Variants in MBD1 observed in about 807,000 individuals in gnomAD.
The protein encoded by MBD1 is methyl-CpG binding domain protein 1.
MBD1 carries 25 observed loss-of-function variants against 82.6 expected under a neutral mutation model. The observed-to-expected ratio is 0.30, with a 90% confidence interval of 0.22 to 0.42. The LOEUF is 0.42. MBD1 is among the 10% of genes least tolerant of loss of function. MBD1 has a pLI of 1.00. For missense variants in MBD1, 627 were observed against 819.6 expected, an observed-to-expected ratio of 0.76 and a Z score of 2.87; for synonymous variants, 301 against 303.7, an observed-to-expected ratio of 0.99 and a Z score of 0.09.
intron 7 of MBD1, 41 bp downstream of exon 7, chr18:50,275,794 G>A: frequency 6.2e-7 from 1 of 1,614,178 alleles, no homozygotes; most frequent in Non-Finnish European, 8.5e-7. Context: ...GGGGCCAGGG[G>A]CCGAGGTGAG....
chr18:50,267,354 A>AT (rs1290555704), downstream of MBD1: 3 of 510,350 alleles, frequency 5.9e-6, no homozygotes, highest in South Asian at 2.8e-5. Flanking sequence ...AATAATAATA[A>AT]TTTTTTAAAA....
Position 50,273,711 on chromosome 18 carries a change from G to C in MBD1, c.1299C>G (p.Asp433Glu). ...PTLATRTAQP[D>E]HTQAPTKQEA... ...CCTGCTTCGTTGGAGCCTGGGTATG[G>C]TCTGGTTGGGCTGTGCGTGTAGCCA... The change falls in exon 12 of 17, where the codon GAC becomes GAG. Residue 433 changes from aspartate (D) to glutamate (E), a missense_variant. Around this residue, in one of 6 missense-constraint regions of MBD1, gnomAD observed 265 missense variants for 278.4 expected, o/e 0.95. Coordinates refer to ENST00000269468, the MANE Select transcript of MBD1 (RefSeq NM_015846.4). The C allele has an allele frequency of 6.2e-7, 1 of 1,614,164 alleles. No homozygotes were observed. The highest frequency in any genetic ancestry group is 8.5e-7 in the Non-Finnish European group (1 of 1,180,040).
intron 2 of MBD1, among the ~76,000 whole-genome samples, chr18:50,278,974 A>G (rs2039165619): frequency 6.6e-6 from 1 of 152,232 alleles, no homozygotes; most frequent in African/African-American, 2.4e-5. Flanking sequence ...TCTCATTGAC[A>G]TTGAAAACCA....
Position 50,281,356 on chromosome 18 carries a change from G to A in MBD1, c.-26+7C>T. 1.1e-6 allele frequency: 1 copy of A among 876,928 alleles called. No homozygotes were observed. The highest frequency in any genetic ancestry group is 1.8e-6 in the Non-Finnish European group (1 of 554,392). 54.3% of individuals were successfully genotyped at this position (876,928 alleles called of 1,614,324 possible). On this transcript the variant is annotated splice_region_variant and intron_variant, in intron 1 of 16. Coordinates refer to ENST00000269468, the MANE Select transcript of MBD1 (RefSeq NM_015846.4). ...GCTCTCCACGTCCAGCCCCAAGGCTGTCTCACCAGTTTGGCACCAGGCCGG... is the reference window on the plus strand; with the variant it reads ...GCTCTCCACGTCCAGCCCCAAGGCTATCTCACCAGTTTGGCACCAGGCCGG...
chr18:50,272,830 T>C lies in MBD1; in HGVS notation c.1710A>G (p.Thr570=). 6.2e-7 allele frequency: 1 copy of C among 1,614,194 alleles called. No individual in the cohort carries two copies. The highest frequency in any genetic ancestry group is 2.2e-5 in the East Asian group (1 of 44,880). ...APEEEAGGAG[T]PVITEIFSLG... is the part of the protein sequence containing the mutation. ...GGGCATCCCCAGCACTGACCACGGGTGTGCCAGCCCCTCCTGCCTCTTCCT... is the reference window on the plus strand; with the variant it reads ...GGGCATCCCCAGCACTGACCACGGGCGTGCCAGCCCCTCCTGCCTCTTCCT... Residue 570 remains threonine (T), a synonymous_variant, in exon 14 of 17, where the codon ACA becomes ACG. Coordinates refer to ENST00000269468, the MANE Select transcript of MBD1 (RefSeq NM_015846.4).
chr18:50,272,831 G>T lies in MBD1; in HGVS notation c.1709C>A (p.Thr570Lys). 6.2e-7 allele frequency: 1 copy of T among 1,614,240 alleles called. No individual in the cohort carries two copies. The change falls in exon 14 of 17, where the codon ACA becomes AAA. Residue 570 changes from threonine to lysine, a missense_variant. Physicochemically the swap from Thr to Lys is moderately conservative, Grantham distance 78. Transcript: ENST00000269468. ...APEEEAGGAG[T>K]PVITEIFSLG... ...GGCATCCCCAGCACTGACCACGGGT[G>T]TGCCAGCCCCTCCTGCCTCTTCCTC...
downstream of MBD1, chr18:50,267,352 TA>T: frequency 2.0e-6 from 1 of 509,336 alleles, no homozygotes; most frequent in Non-Finnish European, 3.5e-6. Flanking sequence ...GTAATAATAA[TA>T]ATTTTTTAAA....
At chr18:50,268,332 G>T (rs1434779154), downstream of MBD1, among the ~76,000 whole-genome samples, 2 of 152,234 alleles carry the variant, frequency 1.3e-5, no homozygotes, top group African/African-American at 4.8e-5. Context: ...GGGGTAAACC[G>T]ACCCTTGGCG....
In MBD1 at chr18:50,281,368, T is replaced by C. The variant is rs1051886002; in HGVS notation, c.-31A>G. 5.1e-6 allele frequency: 4 copies of C among 791,614 alleles called. No homozygotes were observed. The African/African-American group carries it at 6.8e-5, about 13-fold the overall frequency. The allele number at this position is 791,614 out of a possible 1,614,324, so 49.0% of individuals were successfully genotyped here. On this transcript the variant is annotated 5_prime_UTR_variant, in exon 1 of 17. Transcript: ENST00000269468. ...CAGCCCCAAGGCTGTCTCACCAGTT[T>C]GGCACCAGGCCGGTATCTTCCGCCA...
At position 50,273,347 on chromosome 18, in the gene MBD1, C is replaced by A; in HGVS notation, c.1571G>T (p.Gly524Val). 2 of 1,614,166 alleles carry A rather than the reference C, an allele frequency of 1.2e-6. No individual in the cohort carries two copies. Reference protein sequence around the residue: ...AVLTSPVLVPGCPSKAVDPGL... With the variant: ...AVLTSPVLVPVCPSKAVDPGL... Reference sequence around the variant, plus strand: ...CACTGCCCCCACCTTGCTAGGGCAGCCAGGCACCAATACGGGAGAAGTCAG... The same window carrying A: ...CACTGCCCCCACCTTGCTAGGGCAGACAGGCACCAATACGGGAGAAGTCAG... Residue 524 changes from glycine to valine, a missense_variant, in exon 13 of 17, where the codon GGC becomes GTC. Physicochemically the swap from Gly to Val is moderately radical, Grantham distance 109. Coordinates refer to ENST00000269468, the MANE Select transcript of MBD1 (RefSeq NM_015846.4).
In MBD1 at chr18:50,269,693, G is replaced by C; in HGVS notation, c.*158C>G. The C allele has an allele frequency of 1.3e-6, 1 of 779,038 alleles. No homozygotes were observed. Among genetic ancestry groups the C allele is most frequent in the Non-Finnish European group, 2.4e-6 (1 of 417,156 alleles). The allele number at this position is 779,038 out of a possible 1,614,324, so 48.3% of individuals were successfully genotyped here. On this transcript the variant is annotated 3_prime_UTR_variant, in exon 17 of 17. Transcript: ENST00000269468. ...CACCCACATCATCGAAGCTGGAGGT[G>C]GTGAGAGACTGACATGGGTTCCAGG...
intron 16 of MBD1, chr18:50,271,045 C>A (rs2035294868): frequency 2.0e-6 from 2 of 1,015,292 alleles, no homozygotes; most frequent in Non-Finnish European, 2.4e-6. Flanking sequence ...CACCAAATAG[C>A]AGTTCCTTTC....
chr18:50,281,495 T>G lies in MBD1; in HGVS notation c.-158A>C, dbSNP rs1165896934. On this transcript the variant is annotated 5_prime_UTR_variant, in exon 1 of 17. Transcript: ENST00000269468. The stretch of plus-strand genomic sequence containing the variant: ...CGGCCGCCTCCTCTGAAGCGGTAGC[T>G]GTCGCCTCCGCGGCTGTTCGTTGCT... 8.6e-6 allele frequency: 5 copies of G among 582,524 alleles called. No individual in the cohort carries two copies. Among genetic ancestry groups the G allele is most frequent in the African/African-American group, 7.5e-5 (4 of 53,396 alleles). The allele number at this position is 582,524 out of a possible 1,614,324, so 36.1% of individuals were successfully genotyped here. A position where few individuals can be genotyped will look rare whatever the true frequency, so the allele number is the denominator to read the frequency against.
At chr18:50,271,439 T>A in intron 16 of MBD1, 30 bp downstream of exon 16, 1 of 1,614,062 alleles carries the variant, frequency 6.2e-7, no homozygotes. Context: ...ATCAGTGTTG[T>A]CTCTCATAAA....
chr18:50,272,554 T>C (rs1568197154), intron 15 of MBD1, 123 bp downstream of exon 15: 3 of 1,022,352 alleles, frequency 2.9e-6, no homozygotes, highest in South Asian at 2.5e-5. Flanking sequence ...GTGACCAGCA[T>C]AGTGGGTATG....
At chr18:50,267,534 A>T, downstream of MBD1, 1 of 1,176,130 alleles carries the variant, frequency 8.5e-7, no homozygotes, top group Non-Finnish European at 1.2e-6. Flanking sequence ...GTGGATCAGA[A>T]GTCCAGTAAC....
intron 10 of MBD1, 93 bp downstream of exon 10, chr18:50,274,884 T>C (rs2037131626): frequency 7.6e-7 from 1 of 1,316,744 alleles, no homozygotes. Flanking sequence ...TGCCTTGCTG[T>C]TCCCCAATAG....
chr18:50,270,566 C>G (rs2035078777), intron 16 of MBD1: 1 of 338,944 alleles, frequency 3.0e-6, no homozygotes, highest in Admixed American at 3.8e-5. Flanking sequence ...ACTGCTCTGG[C>G]TGAAGAGGGG....
intron 2 of MBD1, among the ~76,000 whole-genome samples, chr18:50,278,113 G>A (rs368625218): frequency 2.0e-4 from 30 of 152,302 alleles, no homozygotes; most frequent in Admixed American, 8.5e-4. Flanking sequence ...TAACAGGCAG[G>A]TTGTGTCTAG....
Sources: gnomAD v4.1 joint callset for allele counts (sites outside exome capture counted in the v4.1 genomes callset) on GRCh38, gnomAD v4.1.1 for gene constraint, gnomAD v4.1.1 regional missense constraint, MANE v1.5 for transcripts, NCBI Gene and HGNC (gene_info 2026-07-23, HGNC 2026-07-21) for gene names.